CCDC83: variants seen among roughly 807,000 people sequenced by gnomAD.
CCDC83 encodes the protein coiled-coil domain-containing protein 83.
A neutral mutation model predicts 50.1 loss-of-function variants in CCDC83; 54 were observed. That is an observed-to-expected ratio of 1.08 (90% CI 0.87 to 1.35). CCDC83 has a LOEUF of 1.35. Among genes scored for constraint, CCDC83 ranks in the 40% most tolerant of loss-of-function variants. CCDC83 has a pLI of 0.00. For missense variants in CCDC83, 518 were observed against 473.9 expected, an observed-to-expected ratio of 1.09 and a Z score of -0.86; for synonymous variants, 161 against 153.3, an observed-to-expected ratio of 1.05 and a Z score of -0.37.
intron 2 of CCDC83, among the ~76,000 whole-genome samples, chr11:85,872,319 T>C (rs867659329): frequency 6.6e-6 from 1 of 151,828 alleles, no homozygotes; most frequent in South Asian, 2.1e-4. Context: ...ACTCCGTCTC[T>C]ACAAAAAATA....
At chr11:85,912,830 T>A in intron 8 of CCDC83, 1 of 810,958 alleles carries the variant, frequency 1.2e-6, no homozygotes. Flanking sequence ...AGATACCCTC[T>A]AAACTGCCAG....
chr11:85,874,669 C>A (rs775060171), intron 3 of CCDC83, among the ~76,000 whole-genome samples: 4 of 152,142 alleles, frequency 2.6e-5, no homozygotes, highest in African/African-American at 4.8e-5. Flanking sequence ...ACCAAATTAC[C>A]TTTTGAATAT....
Position 85,911,350 on chromosome 11 carries a change from G to C in CCDC83, c.742G>C (p.Val248Leu). 6.2e-7 allele frequency: 1 copy of C among 1,611,430 alleles called. No individual in the cohort carries two copies. The highest frequency in any genetic ancestry group is 1.1e-5 in the South Asian group (1 of 90,444). Residue 248 changes from valine (V) to leucine (L), a missense_variant, in exon 8 of 11, where the codon GTG (valine) becomes CTG (leucine). Physicochemically the swap from Val to Leu is conservative, Grantham distance 32. Transcript: ENST00000342404. Reference sequence around the variant, plus strand: ...TCATGAACTGGAAGCAGAAAATTTGGTGCTTATTGATCAACTATCCAACTG... The same window carrying C: ...TCATGAACTGGAAGCAGAAAATTTGCTGCTTATTGATCAACTATCCAACTG... ...AIHELEAENL[V>L]LIDQLSNCRL...
intron 5 of CCDC83, among the ~76,000 whole-genome samples, chr11:85,891,988 T>C (rs1013914307): frequency 6.6e-6 from 1 of 152,184 alleles, no homozygotes; most frequent in Admixed American, 6.5e-5. Flanking sequence ...TGGCCAGTGT[T>C]TCTGCTAGCT....
Position 85,855,509 on chromosome 11 carries a change from C to T in CCDC83, c.-104C>T, listed in dbSNP as rs2093134208. ...TTTTAATCTGATCAGAATGTTAACCCATCTCTCCGCCTTGCGGTAGAACCC... is the reference window on the plus strand; with the variant it reads ...TTTTAATCTGATCAGAATGTTAACCTATCTCTCCGCCTTGCGGTAGAACCC... On this transcript the variant is annotated 5_prime_UTR_variant, in exon 1 of 11. Coordinates refer to ENST00000342404, the MANE Select transcript of CCDC83 (RefSeq NM_001286159.2). 1 of 152,268 alleles carries T rather than the reference C, an allele frequency of 6.6e-6. No homozygotes were observed. The highest frequency in any genetic ancestry group is 2.4e-5 in the African/African-American group (1 of 41,472). 9.4% of individuals were successfully genotyped at this position (152,268 alleles called of 1,614,324 possible).
chr11:85,909,584 T>C (rs1433258954), intron 7 of CCDC83, among the ~76,000 whole-genome samples: 2 of 149,312 alleles, frequency 1.3e-5, no homozygotes, highest in Non-Finnish European at 3.0e-5. Flanking sequence ...TCAAGCCCTC[T>C]TTGGACAAAA....
At chr11:85,859,174 AAAAAAAC>A (rs1458684390) in intron 1 of CCDC83, among the ~76,000 whole-genome samples, 5 of 149,208 alleles carry the variant, frequency 3.4e-5, no homozygotes, top group Admixed American at 6.7e-5. Context: ...AAAAAAAAAA[AAAAAAAC>A]CCCTAGGAAT....
chr11:85,858,217 A>G (rs2093154096), intron 1 of CCDC83, among the ~76,000 whole-genome samples: 1 of 152,176 alleles, frequency 6.6e-6, no homozygotes, highest in Non-Finnish European at 1.5e-5. Flanking sequence ...CCAGACAAGT[A>G]CCAGGTTATG....
chr11:85,907,890 G>A (rs373840288), intron 7 of CCDC83, among the ~76,000 whole-genome samples: 1 of 152,100 alleles, frequency 6.6e-6, no homozygotes, highest in Non-Finnish European at 1.5e-5. Context: ...AGCATGCCAG[G>A]CCCTTAGGTC....
At chr11:85,867,565 T>G (rs1001647096) in intron 2 of CCDC83, among the ~76,000 whole-genome samples, 1 of 152,208 alleles carries the variant, frequency 6.6e-6, no homozygotes, top group Non-Finnish European at 1.5e-5. Context: ...AACTAATAAC[T>G]AGATACTATT....
chr11:85,859,731 T>C (rs1286646809), intron 1 of CCDC83, among the ~76,000 whole-genome samples: 1 of 152,186 alleles, frequency 6.6e-6, no homozygotes, highest in Non-Finnish European at 1.5e-5. Flanking sequence ...GAAGAAAACC[T>C]AGGAAATACC....
At position 85,886,322 on chromosome 11, in the gene CCDC83, C is replaced by G. The variant is rs2093326699; in HGVS notation, c.466C>G (p.Gln156Glu). 1 of 1,608,836 alleles carries G rather than the reference C, an allele frequency of 6.2e-7. No individual in the cohort carries two copies. Among genetic ancestry groups the G allele is most frequent in the Non-Finnish European group, 8.5e-7 (1 of 1,178,108 alleles). The change falls in exon 5 of 11, where the codon CAA (glutamine) becomes GAA (glutamate). Residue 156 changes from glutamine (Q) to glutamate (E), a missense_variant. Gln to Glu is a conservative substitution (Grantham distance 29). Transcript: ENST00000342404. ...ACATGCTAAACTCATTACCTCCTTA[C>G]AAAATGACATCAACACAGTTAAAGA... ...ERHAKLITSL[Q>E]NDINTVKENA...
At chr11:85,918,888 G>A (rs1309570636) in intron 10 of CCDC83, among the ~76,000 whole-genome samples, 1 of 152,158 alleles carries the variant, frequency 6.6e-6, no homozygotes, top group African/African-American at 2.4e-5. Context: ...CTACCTGTGG[G>A]GATATTTAAC....
chr11:85,910,067 T>C (rs1267631849), intron 7 of CCDC83, among the ~76,000 whole-genome samples: 1 of 152,226 alleles, frequency 6.6e-6, no homozygotes, highest in East Asian at 1.9e-4. Flanking sequence ...TGGTTTCTTC[T>C]GCCTAGAGCA....
At position 85,873,294 on chromosome 11, in the gene CCDC83, G is replaced by T; in HGVS notation, c.179G>T (p.Arg60Ile). ...LRKKNQKYHE[R>I]NSRLKEEQIW... ...AAAAAGAACCAAAAATATCATGAAA[G>T]AGTGAGTATAAAATTTAGAACCTAT... Residue 60 changes from arginine (R) to isoleucine (I), a missense_variant and splice_region_variant, in exon 3 of 11, where the codon AGA becomes ATA. Coordinates refer to ENST00000342404, the MANE Select transcript of CCDC83 (RefSeq NM_001286159.2). 1.5e-6 allele frequency: 2 copies of T among 1,372,026 alleles called. No homozygotes were observed. The highest frequency in any genetic ancestry group is 2.0e-5 in the Admixed American group (1 of 48,790). The allele number at this position is 1,372,026 out of a possible 1,614,324, so 85.0% of individuals were successfully genotyped here.
At chr11:85,857,829 C>T (rs2093151417) in intron 1 of CCDC83, among the ~76,000 whole-genome samples, 1 of 152,188 alleles carries the variant, frequency 6.6e-6, no homozygotes, top group East Asian at 1.9e-4. Context: ...CATCAACATA[C>T]TGCAGGCTGC....
intron 10 of CCDC83, among the ~76,000 whole-genome samples, chr11:85,917,645 G>C (rs891592861): frequency 1.8e-4 from 28 of 152,130 alleles, no homozygotes; most frequent in Non-Finnish European, 1.3e-4. Context: ...CCTAGAATTT[G>C]ATGTCTGGTA....
chr11:85,901,406 A>C (rs183865366), intron 7 of CCDC83, among the ~76,000 whole-genome samples: 6 of 151,648 alleles, frequency 4.0e-5, no homozygotes, highest in Non-Finnish European at 1.5e-5. Context: ...AACCCCATCT[A>C]TACAAAAAAT....
At chr11:85,905,178 C>T (rs1034393296) in intron 7 of CCDC83, among the ~76,000 whole-genome samples, 2 of 151,570 alleles carry the variant, frequency 1.3e-5, no homozygotes, top group Admixed American at 6.6e-5. Flanking sequence ...CGCAGTGGCT[C>T]ACACCTGTAA....
Sources: allele counts gnomAD v4.1 joint callset (sites outside exome capture counted in the v4.1 genomes callset), GRCh38; gene constraint gnomAD v4.1.1; transcripts MANE v1.5; gene names NCBI Gene and HGNC (gene_info 2026-07-23, HGNC 2026-07-21).